LPCAT2: variants seen among roughly 807,000 people sequenced by gnomAD.
LPCAT2 encodes the protein lysophosphatidylcholine acyltransferase 2, also known as 1-AGP acyltransferase 11.
In LPCAT2, 58 loss-of-function variants were observed where a neutral mutation model predicts 64.7. The observed-to-expected ratio is 0.90, with a 90% CI of 0.73 to 1.12. LPCAT2 has a LOEUF of 1.12. LPCAT2 is among the 50% of genes most tolerant of loss of function. The pLI, the probability that LPCAT2 is intolerant of heterozygous loss-of-function variation, is 0.00. For synonymous variants in LPCAT2, 252 were observed against 245.3 expected (o/e 1.03, Z -0.26); for missense variants, 579 against 669.8 (o/e 0.86, Z 1.50).
intron 13 of LPCAT2, among the ~76,000 whole-genome samples, chr16:55,582,107 TAGAA>T (rs1567409022): frequency 1.3e-5 from 2 of 152,168 alleles, no homozygotes; most frequent in Non-Finnish European, 2.9e-5. Context: ...TTTAAATTGC[TAGAA>T]AGAACAAAAA....
At position 55,509,245 on chromosome 16, in the gene LPCAT2, GT is replaced by G; in HGVS notation, c.65del (p.Val22GlyfsTer54). 2 of 1,487,542 alleles carry G rather than the reference GT, an allele frequency of 1.3e-6. No individual in the cohort carries two copies. Among genetic ancestry groups the G allele is most frequent in the Non-Finnish European group, 1.8e-6 (2 of 1,112,170 alleles). 92.1% of individuals were successfully genotyped at this position (1,487,542 alleles called of 1,614,324 possible). ...ATVPGAGVGNVGLRPPMVPRQ... is the reference protein window; with the variant it reads ...ATVPGAGVGNXGLRPPMVPRQ... Reference sequence around the variant, plus strand: ...AGTGCCAGGTGCCGGCGTCGGGAACGTGGGGCTGCGGCCGCCCATGGTGCCC... The same window carrying G: ...AGTGCCAGGTGCCGGCGTCGGGAACGGGGGCTGCGGCCGCCCATGGTGCCC... On this transcript the variant is annotated frameshift_variant, in exon 1 of 14. Coordinates refer to ENST00000262134, the MANE Select transcript of LPCAT2 (RefSeq NM_017839.5). LOFTEE classifies it high-confidence loss of function.
intron 8 of LPCAT2, chr16:55,539,242 G>C (rs569988160): frequency 1.1e-4 from 7 of 62,654 alleles, no homozygotes; most frequent in African/African-American, 2.6e-4. Context: ...CTGTGTCATG[G>C]CTTTCTTTTT....
In LPCAT2 at chr16:55,533,406, G is replaced by GTTTTTTTTTTT. The variant is rs11335464; in HGVS notation, c.762+536_762+546dup. 3.1e-4 allele frequency among the ~76,000 whole-genome samples: 30 copies of GTTTTTTTTTTT among 96,452 alleles called. 2 individuals carry two copies. The highest frequency in any genetic ancestry group is 6.2e-4 in the African/African-American group (15 of 24,310). 63.3% of individuals were successfully genotyped at this position (96,452 alleles called of 152,430 possible). Reference sequence around the variant, plus strand: ...CTTAACATCTTTTTTTGTTTTTCGGGTTTTTTTTTTTTTTTTTTTTTTGAG... The same window carrying GTTTTTTTTTTT: ...CTTAACATCTTTTTTTGTTTTTCGGGTTTTTTTTTTTTTTTTTTTTTTTTTTTTTTTTTGAG... On this transcript the variant is annotated intron_variant, in intron 6 of 13. Coordinates refer to ENST00000262134, the MANE Select transcript of LPCAT2 (RefSeq NM_017839.5).
chr16:55,550,385 T>G (rs1463431455), intron 10 of LPCAT2, among the ~76,000 whole-genome samples: 1 of 152,220 alleles, frequency 6.6e-6, no homozygotes, highest in African/African-American at 2.4e-5. Context: ...TAACATTTTG[T>G]GAAATATGAA....
In LPCAT2 at chr16:55,583,196, A is replaced by C; in HGVS notation, c.*98A>C. On this transcript the variant is annotated 3_prime_UTR_variant, in exon 14 of 14. Coordinates refer to ENST00000262134, the MANE Select transcript of LPCAT2 (RefSeq NM_017839.5). ...TTAATGTGTTGGTAATGATGTTTAA[A>C]ATTGAAAGATTTTTAAAACAAAAAT... 1.1e-6 allele frequency: 1 copy of C among 922,364 alleles called. No individual in the cohort carries two copies. The highest frequency in any genetic ancestry group is 1.6e-6 in the Non-Finnish European group (1 of 642,604). The allele number at this position is 922,364 out of a possible 1,614,324, so 57.1% of individuals were successfully genotyped here.
chr16:55,554,565 A>C (rs1385194557), intron 11 of LPCAT2, among the ~76,000 whole-genome samples: 1 of 152,186 alleles, frequency 6.6e-6, no homozygotes, highest in Non-Finnish European at 1.5e-5. Flanking sequence ...TTCTATCCAG[A>C]CTATTCAAAC....
At chr16:55,571,763 A>T (rs1263852936) in intron 11 of LPCAT2, among the ~76,000 whole-genome samples, 1 of 152,192 alleles carries the variant, frequency 6.6e-6, no homozygotes, top group East Asian at 1.9e-4. Context: ...ATTTTGCTGT[A>T]TAATTTTTAT....
At chr16:55,555,663 C>T (rs189305182) in intron 11 of LPCAT2, among the ~76,000 whole-genome samples, 184 of 152,244 alleles carry the variant, frequency 1.2e-3, no homozygotes, top group Middle Eastern at 6.8e-3. Context: ...GTTAAGCAAC[C>T]TTCTTTTAGG....
At chr16:55,566,359 G>A (rs984445317) in intron 11 of LPCAT2, among the ~76,000 whole-genome samples, 1 of 152,084 alleles carries the variant, frequency 6.6e-6, no homozygotes, top group Non-Finnish European at 1.5e-5. Context: ...ATAAATTTTT[G>A]ATTTCCTTGC....
At position 55,529,856 on chromosome 16, in the gene LPCAT2, CA is replaced by C. The variant is rs767867987; in HGVS notation, c.552del (p.Val185PhefsTer6). ...LIGRLLRAVQPVLVSRVDPDS... is the reference protein window; with the variant it reads ...LIGRLLRAVQXVLVSRVDPDS... The stretch of plus-strand genomic sequence containing the variant: ...AAAGGACTGTTACGGGCTGTGCAAC[CA>C]GTTTTGGTGTCCCGTGTAGATCCGG... On this transcript the variant is annotated frameshift_variant, in exon 4 of 14. Transcript: ENST00000262134. LOFTEE classifies it high-confidence loss of function. 6.2e-7 allele frequency: 1 copy of C among 1,610,920 alleles called. No individual in the cohort carries two copies. The highest frequency in any genetic ancestry group is 8.5e-7 in the Non-Finnish European group (1 of 1,178,760).
intron 1 of LPCAT2, among the ~76,000 whole-genome samples, chr16:55,517,121 T>C (rs1963024043): frequency 6.6e-6 from 1 of 151,716 alleles, no homozygotes; most frequent in Non-Finnish European, 1.5e-5. Context: ...TTGTCTGCAC[T>C]GACCAAGAAA....
intron 10 of LPCAT2, 73 bp downstream of exon 10, chr16:55,549,475 C>G (rs1963491079): frequency 7.3e-7 from 1 of 1,374,890 alleles, no homozygotes; most frequent in Non-Finnish European, 9.8e-7. Flanking sequence ...TTTATTTTCT[C>G]CTGCTTTATT....
At chr16:55,536,057 G>T (rs1963320142) in intron 7 of LPCAT2, among the ~76,000 whole-genome samples, 1 of 152,096 alleles carries the variant, frequency 6.6e-6, no homozygotes, top group Non-Finnish European at 1.5e-5. Flanking sequence ...TCTTTGAAAG[G>T]CACAGCTTTG....
At position 55,586,152 on chromosome 16, in the gene LPCAT2, T is replaced by C. The variant is rs1339105475; in HGVS notation, c.*3054T>C. The C allele has an allele frequency of 6.6e-6, 1 of 152,070 alleles. No individual in the cohort carries two copies. The highest frequency in any genetic ancestry group is 1.9e-4 in the East Asian group (1 of 5,192). The allele number at this position is 152,070 out of a possible 1,614,324, so 9.4% of individuals were successfully genotyped here. On this transcript the variant is annotated 3_prime_UTR_variant, in exon 14 of 14. Transcript: ENST00000262134. ...AATAAGTGCTATGGCTTGATAGAAG[T>C]GAAGCTCTTCACATATATTCAAAAT...
chr16:55,545,882 CT>C (rs1267951913), intron 9 of LPCAT2, 65 bp downstream of exon 9: 79 of 1,332,016 alleles, frequency 5.9e-5, no homozygotes, highest in Non-Finnish European at 8.0e-5. Context: ...TGTCGTTTAA[CT>C]CATTTTAAGG....
chr16:55,523,139 A>G (rs796449698), intron 1 of LPCAT2, among the ~76,000 whole-genome samples: 94 of 151,854 alleles, frequency 6.2e-4, no homozygotes, highest in African/African-American at 2.2e-3. Flanking sequence ...TGGGCCAAAA[A>G]GACTTGAACA....
At chr16:55,520,548 A>G (rs1963080512) in intron 1 of LPCAT2, among the ~76,000 whole-genome samples, 1 of 152,032 alleles carries the variant, frequency 6.6e-6, no homozygotes, top group African/African-American at 2.4e-5. Flanking sequence ...ACTACCTCCA[A>G]AAATACCAGC....
At position 55,514,890 on chromosome 16, in the gene LPCAT2, T is replaced by TTGTGTGTG. The variant is rs35295405; in HGVS notation, c.171+5572_171+5579dup. On this transcript the variant is annotated intron_variant, in intron 1 of 13. Coordinates refer to ENST00000262134, the MANE Select transcript of LPCAT2 (RefSeq NM_017839.5). ...AGAATATCAATAAAGATGCAATGCA[T>TTGTGTGTG]TGTGTGTGTGTGTGTGTGTGTGTGT... is the stretch of plus-strand genomic sequence containing the variant. 9.3e-3 allele frequency among the ~76,000 whole-genome samples: 1,315 copies of TTGTGTGTG among 141,292 alleles called. 13 individuals are homozygous for TTGTGTGTG. The highest frequency in any genetic ancestry group is 0.019 in the African/African-American group (717 of 38,184). 92.7% of individuals were successfully genotyped at this position (141,292 alleles called of 152,430 possible).
Position 55,532,166 on chromosome 16 carries a change from C to A in LPCAT2, c.703+192C>A, listed in dbSNP as rs1596859408. ...TCTTTTGGGGTCATAATTCCTCTCC[C>A]CTTGGAGTGTCCACTCCATGCATGT... On this transcript the variant is annotated intron_variant, in intron 5 of 13. Transcript: ENST00000262134. 10 of 529,634 alleles carry A rather than the reference C, an allele frequency of 1.9e-5. No individual in the cohort carries two copies. The East Asian group carries it at 3.1e-4, about 17-fold the overall frequency. The allele number at this position is 529,634 out of a possible 1,614,324, so 32.8% of individuals were successfully genotyped here.
Sources: gnomAD v4.1 joint callset for allele counts (sites outside exome capture counted in the v4.1 genomes callset) on GRCh38, gnomAD v4.1.1 for gene constraint, MANE v1.5 for transcripts, NCBI Gene and HGNC (gene_info 2026-07-23, HGNC 2026-07-21) for gene names.